The following SRGAP1 variants were observed in gnomAD, a reference collection of about 807,000 sequenced individuals.
SRGAP1 encodes SLIT-ROBO Rho GTPase-activating protein 1.
A neutral mutation model predicts 121.9 loss-of-function variants in SRGAP1; 43 were observed. The ratio of observed to expected loss-of-function variants is 0.35; its 90% CI spans 0.28 to 0.46. SRGAP1 has a LOEUF of 0.46. SRGAP1 is among the 20% of genes least tolerant of loss of function. The pLI, the probability that SRGAP1 is intolerant of heterozygous loss-of-function variation, is 1.00. For synonymous variants in SRGAP1, 447 were observed against 485.4 expected (o/e 0.92, Z 1.04); for missense variants, 1,102 against 1,350.9 (o/e 0.82, Z 2.89).
At position 63,956,280 on chromosome 12, in the gene SRGAP1, G is replaced by A. The variant is rs113440964; in HGVS notation, c.68-27667G>A. Among the ~76,000 whole-genome samples the A allele has an allele frequency of 7.1e-3, 1,075 of 152,110 alleles. 11 individuals carry two copies. The highest frequency in any genetic ancestry group is 0.025 in the African/African-American group (1,025 of 41,498). On this transcript the variant is annotated intron_variant, in intron 1 of 21. Coordinates refer to ENST00000355086, the MANE Select transcript of SRGAP1 (RefSeq NM_020762.4). ...AAGCGATCTTAAACTTCCCAGGCTG[G>A]TCTGAAACTTTTGGGCTCAAGCGAT...
chr12:63,930,523 G>A (rs1382307098), intron 1 of SRGAP1, among the ~76,000 whole-genome samples: 1 of 151,958 alleles, frequency 6.6e-6, no homozygotes, highest in Non-Finnish European at 1.5e-5. Flanking sequence ...GAGACTCTTG[G>A]CCCTTCTATT....
intron 1 of SRGAP1, among the ~76,000 whole-genome samples, chr12:63,855,614 C>T (rs1899223691): frequency 6.7e-6 from 1 of 149,200 alleles, no homozygotes; most frequent in South Asian, 2.1e-4. Context: ...CCTCAGCTTC[C>T]CAAGTAGGGA....
At chr12:64,072,362 A>C (rs78371564) in intron 8 of SRGAP1, among the ~76,000 whole-genome samples, 96 of 152,236 alleles carry the variant, frequency 6.3e-4, no homozygotes, top group African/African-American at 2.1e-3. Context: ...CAGTGCCATA[A>C]TATACATGGA....
At chr12:63,969,650 C>T (rs886173453) in intron 1 of SRGAP1, among the ~76,000 whole-genome samples, 2 of 151,874 alleles carry the variant, frequency 1.3e-5, no homozygotes, top group African/African-American at 2.4e-5. Context: ...AAAAATTAGC[C>T]GGGCGTGGTG....
intron 1 of SRGAP1, among the ~76,000 whole-genome samples, chr12:63,944,156 C>A (rs556771011): frequency 1.3e-5 from 2 of 152,224 alleles, no homozygotes; most frequent in East Asian, 3.9e-4. Flanking sequence ...CTGTCATCCT[C>A]ATTTTATAAT....
At chr12:64,077,466 A>G (rs1057367699) in intron 8 of SRGAP1, among the ~76,000 whole-genome samples, 5 of 148,962 alleles carry the variant, frequency 3.4e-5, no homozygotes, top group Non-Finnish European at 7.4e-5. Flanking sequence ...AAATTTATAT[A>G]TTAATATTTA....
At chr12:64,000,500 C>T (rs2136434399) in intron 3 of SRGAP1, among the ~76,000 whole-genome samples, 1 of 152,214 alleles carries the variant, frequency 6.6e-6, no homozygotes, top group South Asian at 2.1e-4. Context: ...CTACTCCCAA[C>T]TACTTAGGAG....
chr12:64,132,862 T>C (rs2036806377), intron 21 of SRGAP1, among the ~76,000 whole-genome samples: 2 of 152,256 alleles, frequency 1.3e-5, no homozygotes, highest in Non-Finnish European at 2.9e-5. Context: ...AGTAAAGGTA[T>C]ATTGCTGGCC....
intron 15 of SRGAP1, among the ~76,000 whole-genome samples, chr12:64,103,416 G>T (rs1033508601): frequency 6.6e-6 from 1 of 152,100 alleles, no homozygotes; most frequent in Non-Finnish European, 1.5e-5. Flanking sequence ...AAATCCCCTA[G>T]TTTAGACATT....
chr12:63,846,504 G>A lies in SRGAP1; in HGVS notation c.67+1621G>A, dbSNP rs141666659. Among the ~76,000 whole-genome samples, 168 of 152,286 alleles carry A rather than the reference G, an allele frequency of 1.1e-3. 1 individual carries two copies. Among genetic ancestry groups the A allele is most frequent in the Non-Finnish European group, 2.0e-3 (138 of 68,028 alleles). On this transcript the variant is annotated intron_variant, in intron 1 of 21. Coordinates refer to ENST00000355086, the MANE Select transcript of SRGAP1 (RefSeq NM_020762.4). ...CTTTATGTTTGCTGTAAGGTCACTTGCCAGTGATCAAGTCCTTATTTGAAA... is the reference window on the plus strand; with the variant it reads ...CTTTATGTTTGCTGTAAGGTCACTTACCAGTGATCAAGTCCTTATTTGAAA...
chr12:64,116,376 A>C (rs991602609), intron 18 of SRGAP1, among the ~76,000 whole-genome samples: 13 of 152,058 alleles, frequency 8.5e-5, no homozygotes, highest in Non-Finnish European at 1.9e-4. Flanking sequence ...AAAAAGACTT[A>C]TTGTTTCCTT....
intron 1 of SRGAP1, among the ~76,000 whole-genome samples, chr12:63,972,408 A>C (rs2032977351): frequency 6.6e-6 from 1 of 152,232 alleles, no homozygotes; most frequent in Admixed American, 6.5e-5. Flanking sequence ...TTATAGGAGA[A>C]ACCTTATAGG....
rs372786866 is a variant in SRGAP1 at position 64,089,298 on chromosome 12, G to C, written c.1437-1978G>C. Among the ~76,000 whole-genome samples the C allele has an allele frequency of 3.4e-4, 51 of 152,212 alleles. 1 individual carries two copies. The highest frequency in any genetic ancestry group is 1.2e-3 in the African/African-American group (49 of 41,530). On this transcript the variant is annotated intron_variant, in intron 11 of 21. Transcript: ENST00000355086. ...CAACTAGCCTATTCTAAACCTGCTT[G>C]CCCAGCTTCTCCCATTCCCTCCAGT... is the stretch of plus-strand genomic sequence containing the variant.
intron 1 of SRGAP1, among the ~76,000 whole-genome samples, chr12:63,982,209 T>TAAAAA (rs2033273693): frequency 6.9e-6 from 1 of 144,202 alleles, no homozygotes; most frequent in African/African-American, 2.6e-5. Context: ...AGACTCCGTC[T>TAAAAA]CAAAACAAAA....
chr12:63,980,704 G>A (rs1344404885), intron 1 of SRGAP1, among the ~76,000 whole-genome samples: 3 of 151,068 alleles, frequency 2.0e-5, no homozygotes, highest in Admixed American at 6.6e-5. Context: ...AGCAATTCTC[G>A]GGACTCAGAC....
chr12:63,884,607 C>T (rs957284216), intron 1 of SRGAP1, among the ~76,000 whole-genome samples: 6 of 152,106 alleles, frequency 3.9e-5, no homozygotes, highest in African/African-American at 1.4e-4. Context: ...ACTGTAATCA[C>T]CCTGCTGTGC....
Position 63,976,950 on chromosome 12 carries a change from C to CAGAGT in SRGAP1, c.68-6995_68-6991dup, listed in dbSNP as rs1269215608. ...ATCCTGACGCTTCCTAATTTATGTG[C>CAGAGT]AGAGTATAAGAGAAGCATAAATCTT... is the stretch of plus-strand genomic sequence containing the variant. On this transcript the variant is annotated intron_variant, in intron 1 of 21. Transcript: ENST00000355086. 2.7e-4 allele frequency among the ~76,000 whole-genome samples: 41 copies of CAGAGT among 151,730 alleles called. 1 individual carries two copies. Among genetic ancestry groups the CAGAGT allele is most frequent in the Admixed American group, 2.7e-3 (41 of 15,236 alleles).
At chr12:63,935,174 G>GTTT (rs112070465) in intron 1 of SRGAP1, among the ~76,000 whole-genome samples, 2,938 of 152,100 alleles carry the variant, frequency 0.019, 88 homozygotes, top group African/African-American at 0.066. Flanking sequence ...AAAAGTAAAT[G>GTTT]TTTTTTTAAA....
At chr12:64,060,012 T>C (rs982240228) in intron 6 of SRGAP1, among the ~76,000 whole-genome samples, 1 of 152,054 alleles carries the variant, frequency 6.6e-6, no homozygotes, top group Non-Finnish European at 1.5e-5. Flanking sequence ...GCAGGCCCAT[T>C]TACTTGATGA....
Sources: allele counts gnomAD v4.1 joint callset (sites outside exome capture counted in the v4.1 genomes callset), GRCh38; gene constraint gnomAD v4.1.1; transcripts MANE v1.5; gene names NCBI Gene and HGNC (gene_info 2026-07-23, HGNC 2026-07-21).